The following SLC27A5 variants were observed in gnomAD, a reference collection of about 807,000 sequenced individuals.
SLC27A5 encodes solute carrier family 27 member 5.
A neutral mutation model predicts 63.1 loss-of-function variants in SLC27A5; 47 were observed. The observed-to-expected ratio is 0.74, with a 90% CI of 0.59 to 0.95. The LOEUF is 0.95. Among genes scored for constraint, SLC27A5 ranks in the 40% least tolerant of loss-of-function variants. The probability of loss-of-function intolerance (pLI) is 0.00; values close to 1 mark genes in which losing one functional copy is unlikely to be tolerated. For synonymous variants in SLC27A5, 391 were observed against 403.8 expected, an observed-to-expected ratio of 0.97 and a Z score of 0.38; for missense variants, 940 against 921.0, an observed-to-expected ratio of 1.02 and a Z score of -0.27.
chr19:58,511,715 G>T lies in SLC27A5; in HGVS notation c.241C>A (p.Pro81Thr). 1 of 1,559,332 alleles carries T rather than the reference G, an allele frequency of 6.4e-7. No individual in the cohort carries two copies. Among genetic ancestry groups the T allele is most frequent in the Non-Finnish European group, 8.7e-7 (1 of 1,151,150 alleles). Residue 81 changes from proline to threonine, a missense_variant, in exon 1 of 10, where the codon CCC (proline) becomes ACC (threonine). By Grantham distance (38) the Pro-to-Thr change is conservative. Transcript: ENST00000263093. ...LALTLLPARLPPGLRWLPADV... is the reference protein window; with the variant it reads ...LALTLLPARLTPGLRWLPADV... ...GCCGGCAGCCAGCGTAGTCCTGGGGGCAGCCGTGCTGGCAGGAGGGTTAGT... is the reference window on the plus strand; with the variant it reads ...GCCGGCAGCCAGCGTAGTCCTGGGGTCAGCCGTGCTGGCAGGAGGGTTAGT...
At position 58,500,680 on chromosome 19, in the gene SLC27A5, G is replaced by T. The variant is rs895512400; in HGVS notation, c.1209C>A (p.Val403=). Residue 403 remains valine, a synonymous_variant, in exon 5 of 10, where the codon GTC becomes GTA. Transcript: ENST00000263093. ...GTAGTCCATTGCCCATTGCCAGGCGGACTGTATGTGTCCGGTCCTCTGGTT... is the reference window on the plus strand; with the variant it reads ...GTAGTCCATTGCCCATTGCCAGGCGTACTGTATGTGTCCGGTCCTCTGGTT... ...PQQPEDRTHT[V]RLAMGNGLRA... 2 of 1,613,996 alleles carry T rather than the reference G, an allele frequency of 1.2e-6. No homozygotes were observed. Among genetic ancestry groups the T allele is most frequent in the African/African-American group, 1.3e-5 (1 of 74,932 alleles).
At chr19:58,510,604 T>A in intron 2 of SLC27A5, 117 bp downstream of exon 2, 3 of 897,684 alleles carry the variant, frequency 3.3e-6, no homozygotes, top group South Asian at 2.2e-5. Context: ...AAAAAACAAA[T>A]GTCAAAATCA....
chr19:58,510,885 T>C lies in SLC27A5; in HGVS notation c.734A>G (p.Glu245Gly). ...LEEILPKLQA[E>G]NIRCFYLSHT... The stretch of plus-strand genomic sequence containing the variant: ...GCTGAGGTAGAAGCAGCGGATGTTC[T>C]CAGCCTGCAGCTTGGGAAGGATCTC... The change falls in exon 2 of 10, where the codon GAG (glutamate) becomes GGG (glycine). Residue 245 changes from glutamate to glycine, a missense_variant. Transcript: ENST00000263093. The C allele has an allele frequency of 6.2e-7, 1 of 1,612,268 alleles. No individual in the cohort carries two copies. Among genetic ancestry groups the C allele is most frequent in the Non-Finnish European group, 8.5e-7 (1 of 1,179,152 alleles).
intron 7 of SLC27A5, 91 bp downstream of exon 7, chr19:58,499,377 CAAGTTCCGCCCTCTTACGACAGGA>C: frequency 2.9e-6 from 4 of 1,365,148 alleles, no homozygotes; most frequent in Non-Finnish European, 4.0e-6. Flanking sequence ...GTCCTGACTC[CAAGTTCCGCCCTCTTACGACAGGA>C]AAGTCCCGCC....
chr19:58,501,120 A>G lies in SLC27A5; in HGVS notation c.1182+166T>C. The G allele has an allele frequency of 2.4e-6, 3 of 1,237,526 alleles. No homozygotes were observed. The South Asian group carries it at 4.9e-5, about 20-fold the overall frequency. The allele number at this position is 1,237,526 out of a possible 1,614,324, so 76.7% of individuals were successfully genotyped here. Reference sequence around the variant, plus strand: ...GAGGCTCAAGGTAGCACAGCTATCAAAGAAACCATTATTGGAAGCCTTGTC... The same window carrying G: ...GAGGCTCAAGGTAGCACAGCTATCAGAGAAACCATTATTGGAAGCCTTGTC... On this transcript the variant is annotated intron_variant, in intron 4 of 9. Coordinates refer to ENST00000263093, the MANE Select transcript of SLC27A5 (RefSeq NM_012254.3).
intron 2 of SLC27A5, 194 bp downstream of exon 2, chr19:58,510,527 T>C (rs572566997): frequency 6.8e-5 from 36 of 528,574 alleles, no homozygotes; most frequent in African/African-American, 6.6e-4. Flanking sequence ...TGAGCCGAGA[T>C]TGCACCACTG....
Position 58,511,700 on chromosome 19 carries a change from A to G in SLC27A5, c.256T>C (p.Trp86Arg). 6.4e-7 allele frequency: 1 copy of G among 1,565,918 alleles called. No homozygotes were observed. The highest frequency in any genetic ancestry group is 8.7e-7 in the Non-Finnish European group (1 of 1,154,966). Reference protein sequence around the residue: ...LPARLPPGLRWLPADVIFLAK... With the variant: ...LPARLPPGLRRLPADVIFLAK... The stretch of plus-strand genomic sequence containing the variant: ...AAGAAGATCACATCAGCCGGCAGCC[A>G]GCGTAGTCCTGGGGGCAGCCGTGCT... The change falls in exon 1 of 10, where the codon TGG becomes CGG. Residue 86 changes from tryptophan to arginine, a missense_variant. By Grantham distance (101) the Trp-to-Arg change is moderately radical (BLOSUM62 -3). Transcript: ENST00000263093.
In SLC27A5 at chr19:58,510,826, C is replaced by T; in HGVS notation, c.793G>A (p.Gly265Arg). Residue 265 changes from glycine to arginine, a missense_variant, in exon 2 of 10, where the codon GGG becomes AGG. By Grantham distance (125) the Gly-to-Arg change is moderately radical. Transcript: ENST00000263093. ...TSPTPGVGALGAALDAAPSHP... is the reference protein window; with the variant it reads ...TSPTPGVGALRAALDAAPSHP... ...GAGGGCGCTGCATCCAGGGCAGCCC[C>T]CAGAGCCCCCACCCCTGGTGTAGGG... is the stretch of plus-strand genomic sequence containing the variant. 1 of 1,613,302 alleles carries T rather than the reference C, an allele frequency of 6.2e-7. No individual in the cohort carries two copies. Among genetic ancestry groups the T allele is most frequent in the African/African-American group, 1.3e-5 (1 of 74,986 alleles).
Position 58,499,107 on chromosome 19 carries a change from T to G in SLC27A5, c.1765+16A>C. 6.2e-7 allele frequency: 1 copy of G among 1,613,768 alleles called. No homozygotes were observed. The highest frequency in any genetic ancestry group is 8.5e-7 in the Non-Finnish European group (1 of 1,179,870). On this transcript the variant is annotated intron_variant, in intron 8 of 9. Transcript: ENST00000263093. ...CCACAAAGCTGTTGGAAGTTTAAAA[T>G]GAGAACCCTCCGCACCTGGCACGCA...
rs370284915 is a variant in SLC27A5 at position 58,511,511 on chromosome 19, C to T, written c.445G>A (p.Asp149Asn). Residue 149 changes from aspartate (D) to asparagine (N), a missense_variant, in exon 1 of 10, where the codon GAT becomes AAT. Physicochemically the swap from Asp to Asn is conservative, Grantham distance 23 (BLOSUM62 1). Transcript: ENST00000263093. ...CATGCCGCCTGGCAGGCCCGGGCAT[C>T]CAGCTCACCAAAGGTGACTGAGCCG... ...GAGSVTFGEL[D>N]ARACQAAWAL... is the part of the protein sequence containing the mutation. The T allele has an allele frequency of 2.0e-5, 31 of 1,571,762 alleles. No homozygotes were observed. Among genetic ancestry groups the T allele is most frequent in the Non-Finnish European group, 2.7e-5 (31 of 1,158,510 alleles).
chr19:58,498,485 G>T lies in SLC27A5; in HGVS notation c.*30C>A. 1 of 1,585,614 alleles carries T rather than the reference G, an allele frequency of 6.3e-7. No individual in the cohort carries two copies. The highest frequency in any genetic ancestry group is 8.6e-7 in the Non-Finnish European group (1 of 1,162,708). On this transcript the variant is annotated 3_prime_UTR_variant, in exon 10 of 10. Transcript: ENST00000263093. The stretch of plus-strand genomic sequence containing the variant: ...TGTTGGGGTGGGGGTGGCTGGCTTT[G>T]ATCCCTACCCCAGTGGGTTGGCCAG...
At chr19:58,499,338 A>G in intron 7 of SLC27A5, 118 bp from the exon 8 acceptor site, 1 of 1,345,942 alleles carries the variant, frequency 7.4e-7, no homozygotes, top group Non-Finnish European at 1.0e-6. Context: ...CCCCCTCGAA[A>G]ATCGAGAAGC....
At position 58,511,339 on chromosome 19, in the gene SLC27A5, G is replaced by A. The variant is rs750206701; in HGVS notation, c.617C>T (p.Pro206Leu). Residue 206 changes from proline (P) to leucine (L), a missense_variant, in exon 1 of 10, where the codon CCG becomes CTG. By Grantham distance (98) the Pro-to-Leu change is moderately conservative (BLOSUM62 -3). Transcript: ENST00000263093. Reference protein sequence around the residue: ...KLGCPTAWINPHGRGMPLAHS... With the variant: ...KLGCPTAWINLHGRGMPLAHS... Reference sequence around the variant, plus strand: ...CGCCAGGGGCATCCCCCGGCCATGCGGGTTGATCCAGGCTGTTGGGCAGCC... The same window carrying A: ...CGCCAGGGGCATCCCCCGGCCATGCAGGTTGATCCAGGCTGTTGGGCAGCC... 1.3e-5 allele frequency: 21 copies of A among 1,600,706 alleles called. 1 individual carries two copies. The highest frequency in any genetic ancestry group is 2.2e-5 in the South Asian group (2 of 90,570).
chr19:58,501,432 G>T (rs1281969568), intron 3 of SLC27A5, 22 bp from the exon 4 acceptor site: 2 of 1,609,086 alleles, frequency 1.2e-6, no homozygotes, highest in African/African-American at 2.7e-5. Flanking sequence ...CAGGAGAGGG[G>T]GTTTCAGGTC....
intron 8 of SLC27A5, 78 bp from the exon 9 acceptor site, chr19:58,498,993 C>A: frequency 6.3e-7 from 1 of 1,590,620 alleles, no homozygotes; most frequent in Non-Finnish European, 8.6e-7. Context: ...CCCAGCTCTG[C>A]TCACTGGCTG....
Position 58,503,532 on chromosome 19 carries a change from G to A in SLC27A5, c.1058-2122C>T, listed in dbSNP as rs12986246. On this transcript the variant is annotated intron_variant, in intron 3 of 9. Transcript: ENST00000263093. Reference sequence around the variant, plus strand: ...GCAAAAATTAGCCAGGCGTGGTGGCGCACACCTGTAGTCCCAGCTACTCGG... The same window carrying A: ...GCAAAAATTAGCCAGGCGTGGTGGCACACACCTGTAGTCCCAGCTACTCGG... 5.4e-3 allele frequency among the ~76,000 whole-genome samples: 823 copies of A among 151,950 alleles called. 3 individuals are homozygous for A. Among genetic ancestry groups the A allele is most frequent in the Admixed American group, 0.011 (170 of 15,236 alleles).
At chr19:58,502,933 GAGGA>G (rs1568629166) in intron 3 of SLC27A5, among the ~76,000 whole-genome samples, 2 of 152,092 alleles carry the variant, frequency 1.3e-5, no homozygotes, top group East Asian at 1.9e-4. Context: ...GTGGCTGGGT[GAGGA>G]TCGTCACGCC....
chr19:58,499,782 G>T, intron 6 of SLC27A5, 92 bp from the exon 7 acceptor site: 2 of 1,254,334 alleles, frequency 1.6e-6, no homozygotes, highest in Non-Finnish European at 2.2e-6. Context: ...TCATCACCCA[G>T]CACCCTGCCA....
chr19:58,509,789 C>T (rs977950449), intron 3 of SLC27A5, 58 bp downstream of exon 3: 37 of 1,512,136 alleles, frequency 2.4e-5, no homozygotes, highest in Non-Finnish European at 2.9e-5. Context: ...GACAGCCCCA[C>T]GCCGACACTT....
Sources: allele counts gnomAD v4.1 joint callset (sites outside exome capture counted in the v4.1 genomes callset), GRCh38; gene constraint gnomAD v4.1.1; transcripts MANE v1.5; gene names NCBI Gene and HGNC (gene_info 2026-07-23, HGNC 2026-07-21).